The following MRTFA variants were observed in gnomAD, a reference collection of about 807,000 sequenced individuals.
The protein encoded by MRTFA is myocardin related transcription factor A.
In MRTFA, 20 loss-of-function variants were observed where a neutral mutation model predicts 83.5. The ratio of observed to expected loss-of-function variants is 0.24; its 90% CI spans 0.17 to 0.35. The LOEUF (loss-of-function observed/expected upper bound fraction) is 0.35, where lower values mean the gene tolerates loss of function less well. Among genes scored for constraint, MRTFA ranks in the 10% least tolerant of loss-of-function variants. The pLI, the probability that MRTFA is intolerant of heterozygous loss-of-function variation, is 1.00. For missense variants in MRTFA, 1,200 were observed against 1,224.7 expected, an observed-to-expected ratio of 0.98 and a Z score of 0.30; for synonymous variants, 659 against 541.2, an observed-to-expected ratio of 1.22 and a Z score of -3.02.
chr22:40,471,165 T>A (rs55867931), intron 3 of MRTFA, among the ~76,000 whole-genome samples: 1 of 140,738 alleles, frequency 7.1e-6, no homozygotes, highest in African/African-American at 2.7e-5. Context: ...GTGGACCACC[T>A]GAGGTCAGGA....
chr22:40,502,236 C>T (rs1333483991), intron 3 of MRTFA, among the ~76,000 whole-genome samples: 4 of 140,232 alleles, frequency 2.9e-5, no homozygotes, highest in East Asian at 4.5e-4. Flanking sequence ...GGGTGGCTGC[C>T]GGGTGGAGAG....
At chr22:40,443,555 A>G (rs1350650863) in intron 4 of MRTFA, among the ~76,000 whole-genome samples, 1 of 151,534 alleles carries the variant, frequency 6.6e-6, no homozygotes, top group East Asian at 1.9e-4. Flanking sequence ...GGGTACAGAC[A>G]AAAAAAAGCC....
intron 2 of MRTFA, among the ~76,000 whole-genome samples, chr22:40,568,378 C>G (rs2055736403): frequency 6.6e-6 from 1 of 152,180 alleles, no homozygotes; most frequent in African/African-American, 2.4e-5. Flanking sequence ...AATGCATTTT[C>G]ACTTAGTTGT....
chr22:40,557,213 A>C (rs1244435280), intron 2 of MRTFA, among the ~76,000 whole-genome samples: 2 of 152,234 alleles, frequency 1.3e-5, no homozygotes, highest in Non-Finnish European at 2.9e-5. Context: ...GTCTTGGGGA[A>C]AATTTGGATG....
At chr22:40,488,467 T>C (rs996638580) in intron 3 of MRTFA, among the ~76,000 whole-genome samples, 2 of 152,164 alleles carry the variant, frequency 1.3e-5, no homozygotes, top group Admixed American at 6.5e-5. Flanking sequence ...CTGACAGAAT[T>C]GAGCCCAGAG....
intron 3 of MRTFA, among the ~76,000 whole-genome samples, chr22:40,535,354 T>TTC (rs1219278415): frequency 9.5e-5 from 13 of 136,890 alleles, no homozygotes; most frequent in African/African-American, 1.4e-4. Flanking sequence ...TTTTCTTTTT[T>TTC]TTTTTTTTTT....
At chr22:40,553,368 T>C (rs895716212) in intron 2 of MRTFA, among the ~76,000 whole-genome samples, 3 of 152,008 alleles carry the variant, frequency 2.0e-5, no homozygotes, top group African/African-American at 7.2e-5. Context: ...CTCGAAGGCA[T>C]AGGAGGGAAA....
chr22:40,452,952 T>C (rs1445270465), intron 4 of MRTFA, among the ~76,000 whole-genome samples: 1 of 152,186 alleles, frequency 6.6e-6, no homozygotes, highest in East Asian at 1.9e-4. Flanking sequence ...TAAGGATTTG[T>C]TGGCAACTGG....
intron 1 of MRTFA, among the ~76,000 whole-genome samples, chr22:40,634,620 G>A (rs2056675349): frequency 6.6e-6 from 1 of 152,144 alleles, no homozygotes; most frequent in African/African-American, 2.4e-5. Flanking sequence ...CATGAGCAGG[G>A]ACCATATCTC....
At chr22:40,444,778 A>C (rs1484737340) in intron 4 of MRTFA, among the ~76,000 whole-genome samples, 8 of 152,150 alleles carry the variant, frequency 5.3e-5, no homozygotes, top group African/African-American at 2.4e-5. Context: ...TTAAAAAAAA[A>C]AAATGAGGGC....
intron 2 of MRTFA, among the ~76,000 whole-genome samples, chr22:40,584,573 C>G (rs1465779396): frequency 6.6e-6 from 1 of 151,886 alleles, no homozygotes; most frequent in African/African-American, 2.4e-5. Flanking sequence ...CCTGTCTCTA[C>G]TAAAAATGCA....
Position 40,439,563 on chromosome 22 carries a change from G to A in MRTFA, c.308-4009C>T, listed in dbSNP as rs547559596. Among the ~76,000 whole-genome samples, 3 of 150,792 alleles carry A rather than the reference G, an allele frequency of 2.0e-5. No individual in the cohort carries two copies. The East Asian group carries it at 5.8e-4, about 29-fold the overall frequency. ...AAGAAAAGAAACTGTTGGGTAGGGGGACAAGGTAGCTTCAATGTTCAATGA... is the reference window on the plus strand; with the variant it reads ...AAGAAAAGAAACTGTTGGGTAGGGGAACAAGGTAGCTTCAATGTTCAATGA... On this transcript the variant is annotated intron_variant, in intron 4 of 14. Coordinates refer to ENST00000355630, the MANE Select transcript of MRTFA (RefSeq NM_020831.6).
intron 2 of MRTFA, among the ~76,000 whole-genome samples, chr22:40,573,139 G>A (rs1427458766): frequency 2.0e-5 from 3 of 152,186 alleles, no homozygotes; most frequent in Non-Finnish European, 2.9e-5. Context: ...GAGAGGGAAG[G>A]AGTATGAAGT....
chr22:40,572,119 G>T (rs1012359365), intron 2 of MRTFA, among the ~76,000 whole-genome samples: 2 of 151,908 alleles, frequency 1.3e-5, no homozygotes, highest in Admixed American at 6.6e-5. Context: ...TGGAGTTCAC[G>T]TATTATCCCA....
At chr22:40,540,776 C>CAAAAAAAAAAAAAAA in intron 3 of MRTFA, among the ~76,000 whole-genome samples, 1 of 91,134 alleles carries the variant, frequency 1.1e-5, no homozygotes, top group Non-Finnish European at 2.1e-5. Flanking sequence ...GACTCTGTCT[C>CAAAAAAAAAAAAAAA]AAAAAAAAAA....
In MRTFA at chr22:40,605,028, C is replaced by T. The variant is rs181814674; in HGVS notation, c.-83-10293G>A. The stretch of plus-strand genomic sequence containing the variant: ...TTCTGAAAAATTAAACCCCAAAACA[C>T]GAATCATTTATTTTTGACCCATGTT... On this transcript the variant is annotated intron_variant, in intron 1 of 14. Transcript: ENST00000355630. 3.7e-3 allele frequency among the ~76,000 whole-genome samples: 565 copies of T among 152,180 alleles called. 3 individuals are homozygous for T. Among genetic ancestry groups the T allele is most frequent in the Non-Finnish European group, 6.5e-3 (439 of 68,022 alleles).
chr22:40,576,191 G>A (rs1394478008), intron 2 of MRTFA, among the ~76,000 whole-genome samples: 1 of 151,930 alleles, frequency 6.6e-6, no homozygotes, highest in Non-Finnish European at 1.5e-5. Flanking sequence ...ACCACGCTCA[G>A]CTAATTTTTT....
intron 4 of MRTFA, among the ~76,000 whole-genome samples, chr22:40,449,242 G>C (rs763696550): frequency 4.6e-5 from 7 of 150,678 alleles, no homozygotes; most frequent in Admixed American, 1.3e-4. Context: ...ACTCCAGCCT[G>C]GGTGACAGAA....
At chr22:40,468,144 T>C (rs2053839218) in intron 3 of MRTFA, among the ~76,000 whole-genome samples, 1 of 152,146 alleles carries the variant, frequency 6.6e-6, no homozygotes, top group Non-Finnish European at 1.5e-5. Context: ...ATCTCTGCCC[T>C]GTAAGACCAT....
Sources: allele counts gnomAD v4.1 joint callset (sites outside exome capture counted in the v4.1 genomes callset), GRCh38; gene constraint gnomAD v4.1.1; transcripts MANE v1.5; gene names NCBI Gene and HGNC (gene_info 2026-07-23, HGNC 2026-07-21).